The following MAPK8IP3 variants were observed in gnomAD, a reference collection of about 807,000 sequenced individuals.
MAPK8IP3 encodes the protein C-Jun-amino-terminal kinase-interacting protein 3.
In MAPK8IP3, 49 loss-of-function variants were observed where a neutral mutation model predicts 157.8. The observed-to-expected ratio is 0.31, with a 90% CI of 0.25 to 0.39. The LOEUF is 0.39. Ranked by LOEUF, MAPK8IP3 falls within the 10% of genes least tolerant of loss-of-function variation. The probability of loss-of-function intolerance (pLI) is 1.00; values close to 1 mark genes in which losing one functional copy is unlikely to be tolerated. For synonymous variants in MAPK8IP3, 897 were observed against 777.7 expected, an observed-to-expected ratio of 1.15 and a Z score of -2.55; for missense variants, 1,478 against 1,889.4, an observed-to-expected ratio of 0.78 and a Z score of 4.04.
In MAPK8IP3 at chr16:1,712,218, C is replaced by T. The variant is rs2037836039; in HGVS notation, c.318+5561C>T. Among the ~76,000 whole-genome samples the T allele has an allele frequency of 4.0e-5, 6 of 151,818 alleles. No homozygotes were observed. In the South Asian group the frequency reaches 1.0e-3, roughly 26 times the overall value. On this transcript the variant is annotated intron_variant, in intron 1 of 31. Coordinates refer to ENST00000610761, the MANE Select transcript of MAPK8IP3 (RefSeq NM_001318852.2). ...CTGAGACTACAGGTGCCCGCCAACA[C>T]GCCCGGCTAATTTTTTGTATTTTTA...
At chr16:1,748,398 G>C (rs780233093) in intron 7 of MAPK8IP3, 52 bp downstream of exon 7, 1 of 1,495,704 alleles carries the variant, frequency 6.7e-7, no homozygotes, top group East Asian at 2.3e-5. Context: ...ATTTATCCAA[G>C]TCGGTGTCTT....
At chr16:1,748,161 C>A (rs1739875942) in intron 6 of MAPK8IP3, 83 bp from the exon 7 acceptor site, 1 of 1,027,974 alleles carries the variant, frequency 9.7e-7, no homozygotes, top group Non-Finnish European at 1.5e-6. Context: ...GCCCACCAGA[C>A]TCAGGTTCCG....
intron 4 of MAPK8IP3, among the ~76,000 whole-genome samples, chr16:1,737,539 CGT>C (rs1335048178): frequency 2.5e-5 from 2 of 79,596 alleles, no homozygotes; most frequent in African/African-American, 1.0e-4. Context: ...TGTGACCATT[CGT>C]GTGAGAGTGT....
At chr16:1,737,233 A>C (rs2040014941) in intron 4 of MAPK8IP3, among the ~76,000 whole-genome samples, 1 of 75,930 alleles carries the variant, frequency 1.3e-5, no homozygotes, top group Non-Finnish European at 2.3e-5. Context: ...CATCCATGTA[A>C]GCATCCGTGT....
At position 1,743,184 on chromosome 16, in the gene MAPK8IP3, G is replaced by T; in HGVS notation, c.603-148G>T. 3 of 1,070,842 alleles carry T rather than the reference G, an allele frequency of 2.8e-6. No individual in the cohort carries two copies. In the Admixed American group the frequency reaches 1.1e-4, roughly 38 times the overall value. 66.3% of individuals were successfully genotyped at this position (1,070,842 alleles called of 1,614,324 possible). On this transcript the variant is annotated intron_variant, in intron 4 of 31. Transcript: ENST00000610761. The surrounding 1 kb of genome is among the most constrained non-coding windows in gnomAD (Gnocchi z 5.6). ...TCATGGGAGGGGAAGCGCCACGTAGGATCATAACTGAGTAGCTGCTCGAGC... is the reference window on the plus strand; with the variant it reads ...TCATGGGAGGGGAAGCGCCACGTAGTATCATAACTGAGTAGCTGCTCGAGC...
At chr16:1,726,750 G>A (rs890940375) in intron 2 of MAPK8IP3, among the ~76,000 whole-genome samples, 2 of 152,230 alleles carry the variant, frequency 1.3e-5, no homozygotes, top group Non-Finnish European at 2.9e-5. Context: ...AGTGCAGAGA[G>A]CAGGCCCCGG....
chr16:1,759,133 A>G, intron 10 of MAPK8IP3, 138 bp downstream of exon 10: 1 of 1,161,612 alleles, frequency 8.6e-7, no homozygotes, highest in Non-Finnish European at 1.3e-6. Flanking sequence ...CCCTGAGTGA[A>G]GCTCGCTCTG....
At chr16:1,755,455 CA>C (rs1388560676) in intron 8 of MAPK8IP3, among the ~76,000 whole-genome samples, 1 of 152,066 alleles carries the variant, frequency 6.6e-6, no homozygotes, top group Non-Finnish European at 1.5e-5. Flanking sequence ...CCTGGGAGTT[CA>C]AGGATATAGT....
intron 4 of MAPK8IP3, among the ~76,000 whole-genome samples, chr16:1,734,213 C>A (rs184808944): frequency 6.6e-6 from 1 of 152,274 alleles, no homozygotes. Context: ...GGGAAGAAGG[C>A]GCTGGGGCTG....
At chr16:1,735,855 G>A (rs1367017407) in intron 4 of MAPK8IP3, among the ~76,000 whole-genome samples, 2 of 138,046 alleles carry the variant, frequency 1.4e-5, no homozygotes, top group African/African-American at 2.8e-5. Context: ...GCCCGTGTGA[G>A]CATCCATATG....
chr16:1,736,659 C>T (rs1225106322), intron 4 of MAPK8IP3, among the ~76,000 whole-genome samples: 1 of 33,936 alleles, frequency 2.9e-5, no homozygotes, highest in African/African-American at 1.5e-4. Flanking sequence ...TCCGTGTGAG[C>T]GTGTGACCGT....
intron 5 of MAPK8IP3, 26 bp from the exon 6 acceptor site, chr16:1,747,003 T>C (rs757094935): frequency 3.7e-6 from 6 of 1,609,626 alleles, no homozygotes; most frequent in Non-Finnish European, 5.1e-6. Flanking sequence ...TGACTCGCTC[T>C]CCCTCCTCCC....
chr16:1,727,605 GTCTAAGTCGTGCATGTGAGGTGCTGTA>G (rs2038977112), intron 2 of MAPK8IP3, among the ~76,000 whole-genome samples: 1 of 152,154 alleles, frequency 6.6e-6, no homozygotes, highest in Non-Finnish European at 1.5e-5. Context: ...GAGGTGCTGT[GTCTAAGTCGTGCATGTGAGGTGCTGTA>G]TCTGAGTCAC....
intron 10 of MAPK8IP3, 22 bp from the exon 11 acceptor site, chr16:1,759,936 A>C: frequency 3.7e-6 from 6 of 1,612,772 alleles, no homozygotes; most frequent in Non-Finnish European, 5.1e-6. Flanking sequence ...CACAGGTGAA[A>C]CCTCCGCACC....
Position 1,710,290 on chromosome 16 carries a change from C to G in MAPK8IP3, c.318+3633C>G, listed in dbSNP as rs1856235325. 6.6e-6 allele frequency among the ~76,000 whole-genome samples: 1 copy of G among 151,292 alleles called. No homozygotes were observed. The highest frequency in any genetic ancestry group is 1.5e-5 in the Non-Finnish European group (1 of 67,900). ...CCAGCCTGGCGAACCTGGCGAAACC[C>G]TGTCTCTACTAAAGAAAAAAAAAAG... On this transcript the variant is annotated intron_variant, in intron 1 of 31. Transcript: ENST00000610761. The surrounding 1 kb of genome is among the most constrained non-coding windows in gnomAD (Gnocchi z 4.1).
chr16:1,738,462 CCGTCCGTGTGAG>C (rs752320202), intron 4 of MAPK8IP3, among the ~76,000 whole-genome samples: 55 of 92,394 alleles, frequency 6.0e-4, no homozygotes, highest in Non-Finnish European at 8.4e-4. Flanking sequence ...GCATGTGTGA[CCGTCCGTGTGAG>C]CATCCGTGTG....
intron 5 of MAPK8IP3, chr16:1,746,555 C>T (rs1452445227): frequency 2.4e-5 from 4 of 166,574 alleles, no homozygotes; most frequent in South Asian, 3.2e-4. Context: ...GGGGCAGGCG[C>T]GGGTGGGCCC....
intron 8 of MAPK8IP3, chr16:1,752,365 G>A (rs367920418): frequency 3.9e-4 from 96 of 244,002 alleles, no homozygotes; most frequent in African/African-American, 2.1e-3. Flanking sequence ...GGGCATCGCC[G>A]AGCTCAGGCT....
At chr16:1,725,964 G>A (rs1324411366) in intron 2 of MAPK8IP3, among the ~76,000 whole-genome samples, 3 of 152,208 alleles carry the variant, frequency 2.0e-5, no homozygotes, top group South Asian at 2.1e-4. Flanking sequence ...GATTACAGGC[G>A]CGAGCCACCG....
Sources: gnomAD v4.1 joint callset for allele counts (sites outside exome capture counted in the v4.1 genomes callset) on GRCh38, gnomAD v4.1.1 for gene constraint, Gnocchi (gnomAD v3.1) non-coding constraint, MANE v1.5 for transcripts, NCBI Gene and HGNC (gene_info 2026-07-23, HGNC 2026-07-21) for gene names.